Variants in TOX observed in about 807,000 individuals in gnomAD.
TOX encodes the protein thymocyte selection associated high mobility group box.
A neutral mutation model predicts 53.7 loss-of-function variants in TOX; 11 were observed. The ratio of observed to expected loss-of-function variants is 0.20; its 90% confidence interval spans 0.13 to 0.34. The LOEUF (loss-of-function observed/expected upper bound fraction) is 0.34. TOX is among the 10% of genes least tolerant of loss of function. TOX has a pLI of 1.00. For missense variants in TOX, 570 were observed against 664.6 expected (o/e 0.86, Z 1.56); for synonymous variants, 225 against 245.3 (o/e 0.92, Z 0.77).
rs571077709 is a variant in TOX, at chr8:58,931,340, A to G, written c.411+7962T>C. Reference sequence around the variant, plus strand: ...TAAGATCATAAATGTCAAAAAAAAAAAGAGCTAATTTGATTTAAAAGTTGA... The same window carrying G: ...TAAGATCATAAATGTCAAAAAAAAAGAGAGCTAATTTGATTTAAAAGTTGA... On this transcript the variant is annotated intron_variant, in intron 3 of 8. Coordinates refer to ENST00000361421, the MANE Select transcript of TOX (RefSeq NM_014729.3). Among the ~76,000 whole-genome samples the G allele has an allele frequency of 1.8e-3, 280 of 152,276 alleles. 1 individual carries two copies. The highest frequency in any genetic ancestry group is 4.0e-3 in the Admixed American group (61 of 15,298).
chr8:58,939,233 G>T, intron 3 of TOX, 69 bp downstream of exon 3: 2 of 1,569,682 alleles, frequency 1.3e-6, no homozygotes, highest in Non-Finnish European at 1.7e-6. Context: ...CCAGGCCCTC[G>T]CATGAACTTG....
intron 1 of TOX, among the ~76,000 whole-genome samples, chr8:59,080,764 A>T (rs1171948305): frequency 1.3e-5 from 2 of 152,024 alleles, no homozygotes; most frequent in African/African-American, 4.8e-5. Context: ...TCAACATGTG[A>T]TGTGCCTGCT....
rs560478337 is a variant in TOX at position 58,851,158 on chromosome 8, G to GTCTCTCTCTCTCTCTCTCTCTCTC, written c.693+342_693+365dup. 8.5e-6 allele frequency among the ~76,000 whole-genome samples: 1 copy of GTCTCTCTCTCTCTCTCTCTCTCTC among 118,214 alleles called. No individual in the cohort carries two copies. Among genetic ancestry groups the GTCTCTCTCTCTCTCTCTCTCTCTC allele is most frequent in the Non-Finnish European group, 1.8e-5 (1 of 54,136 alleles). The allele number at this position is 118,214 out of a possible 152,430, so 77.6% of individuals were successfully genotyped here. A position where few individuals can be genotyped will look rare whatever the true frequency, so the allele number is the denominator to read the frequency against. On this transcript the variant is annotated intron_variant, in intron 4 of 8. Transcript: ENST00000361421. The surrounding 1 kb of genome is among the most constrained non-coding windows in gnomAD (Gnocchi z 4.4). ...CACCATACATCTCCTCTCTCTCTCT[G>GTCTCTCTCTCTCTCTCTCTCTCTC]TCTCTCTCTCTCTCTCTCTCTCTCT...
intron 1 of TOX, among the ~76,000 whole-genome samples, chr8:58,998,772 C>A (rs909602072): frequency 2.0e-5 from 3 of 151,786 alleles, no homozygotes; most frequent in Middle Eastern, 3.4e-3. Flanking sequence ...ATTCTGCTAA[C>A]TGAATAATTG....
At chr8:58,893,288 T>G (rs1811589013) in intron 3 of TOX, among the ~76,000 whole-genome samples, 1 of 152,182 alleles carries the variant, frequency 6.6e-6, no homozygotes, top group Admixed American at 6.5e-5. Context: ...TATTCATATC[T>G]TCAGGTGGCA....
At chr8:59,045,096 T>C (rs1803660088) in intron 1 of TOX, among the ~76,000 whole-genome samples, 1 of 152,242 alleles carries the variant, frequency 6.6e-6, no homozygotes, top group Non-Finnish European at 1.5e-5. Context: ...CCAGCCTTTC[T>C]TGGGTGAAAA....
chr8:59,075,510 G>C (rs561003825), intron 1 of TOX, among the ~76,000 whole-genome samples: 6 of 152,258 alleles, frequency 3.9e-5, no homozygotes, highest in African/African-American at 1.4e-4. Context: ...GTGGCTTGAG[G>C]TCTTCATTTC....
At position 59,018,404 on chromosome 8, in the gene TOX, G is replaced by T. The variant is rs578137187; in HGVS notation, c.103-58396C>A. ...CAGTTGGGCTTAGCAACACAGAGGA[G>T]CTCTCAAGTTTTATTTCAATATCAG... On this transcript the variant is annotated intron_variant, in intron 1 of 8. Coordinates refer to ENST00000361421, the MANE Select transcript of TOX (RefSeq NM_014729.3). Among the ~76,000 whole-genome samples the T allele has an allele frequency of 3.3e-5, 5 of 152,260 alleles. No homozygotes were observed. The East Asian group carries it at 9.7e-4, about 29-fold the overall frequency.
At chr8:59,019,792 A>C (rs1814087628) in intron 1 of TOX, among the ~76,000 whole-genome samples, 1 of 152,196 alleles carries the variant, frequency 6.6e-6, no homozygotes, top group South Asian at 2.1e-4. Context: ...TCTACTTTGG[A>C]ATCATTACAG....
intron 1 of TOX, among the ~76,000 whole-genome samples, chr8:58,961,894 C>G (rs980249911): frequency 6.6e-6 from 1 of 152,188 alleles, no homozygotes; most frequent in Non-Finnish European, 1.5e-5. Flanking sequence ...TAACAAAGAG[C>G]CTCACTGTGC....
chr8:59,039,289 A>G (rs188300359), intron 1 of TOX, among the ~76,000 whole-genome samples: 2 of 152,332 alleles, frequency 1.3e-5, no homozygotes, highest in Admixed American at 1.3e-4. Flanking sequence ...TTGTTCACAT[A>G]CCTTTATGAC....
intron 3 of TOX, among the ~76,000 whole-genome samples, chr8:58,912,080 G>C (rs1418523775): frequency 1.3e-5 from 2 of 152,236 alleles, no homozygotes; most frequent in African/African-American, 2.4e-5. Flanking sequence ...GTGTTTCAGA[G>C]AGTACCACTG....
chr8:58,963,361 A>G (rs1041436541), intron 1 of TOX, among the ~76,000 whole-genome samples: 1 of 152,184 alleles, frequency 6.6e-6, no homozygotes, highest in African/African-American at 2.4e-5. Context: ...ATAGACAGAC[A>G]GATACATAGA....
intron 1 of TOX, chr8:58,992,234 G>A (rs1813467350): frequency 6.6e-6 from 1 of 152,274 alleles, no homozygotes; most frequent in African/African-American, 2.4e-5. Context: ...TCTAATGGGC[G>A]AGCTGCTTAG....
chr8:58,806,119 T>G lies in TOX; in HGVS notation c.*1628A>C, dbSNP rs1809970410. 1 of 152,208 alleles carries G rather than the reference T, an allele frequency of 6.6e-6. No individual in the cohort carries two copies. Among genetic ancestry groups the G allele is most frequent in the Non-Finnish European group, 1.5e-5 (1 of 68,040 alleles). The allele number at this position is 152,208 out of a possible 1,614,324, so 9.4% of individuals were successfully genotyped here. On this transcript the variant is annotated 3_prime_UTR_variant, in exon 9 of 9. Coordinates refer to ENST00000361421, the MANE Select transcript of TOX (RefSeq NM_014729.3). ...AAGCTATGCAAGCCCTCAGGCAGAT[T>G]CTCAAGCACTTTTGGTTCCCTAGCA...
intron 3 of TOX, among the ~76,000 whole-genome samples, chr8:58,935,604 G>A (rs1317470999): frequency 6.6e-6 from 1 of 152,078 alleles, no homozygotes; most frequent in Non-Finnish European, 1.5e-5. Flanking sequence ...CTGTCATTTC[G>A]AGGTGGGCAA....
intron 2 of TOX, among the ~76,000 whole-genome samples, chr8:58,939,821 A>G (rs1055937143): frequency 7.2e-5 from 11 of 152,196 alleles, no homozygotes; most frequent in Non-Finnish European, 1.3e-4. Context: ...TCCCATTAAA[A>G]TTTTCCAGAG....
At chr8:58,966,913 C>T (rs1423744523) in intron 1 of TOX, among the ~76,000 whole-genome samples, 8 of 143,680 alleles carry the variant, frequency 5.6e-5, no homozygotes, top group African/African-American at 1.6e-4. Context: ...CTTGCTCTGT[C>T]GCCCAGGCTG....
At chr8:58,959,295 T>C (rs2129178368) in intron 2 of TOX, among the ~76,000 whole-genome samples, 1 of 152,348 alleles carries the variant, frequency 6.6e-6, no homozygotes, top group African/African-American at 2.4e-5. Flanking sequence ...AAATAAATAG[T>C]CAAACATTTA....
Sources: allele counts gnomAD v4.1 joint callset (sites outside exome capture counted in the v4.1 genomes callset), GRCh38; gene constraint gnomAD v4.1.1; non-coding constraint Gnocchi (gnomAD v3.1); transcripts MANE v1.5; gene names NCBI Gene and HGNC (gene_info 2026-07-23, HGNC 2026-07-21).